PRKAR1B: variants seen among roughly 807,000 people sequenced by gnomAD.
PRKAR1B encodes the protein protein kinase cAMP-dependent type I regulatory subunit beta, also known as cAMP-dependent protein kinase type I-beta regulatory subunit.
In PRKAR1B, 22 loss-of-function variants were observed where a neutral mutation model predicts 46.5. That is an observed-to-expected ratio of 0.47 (90% CI 0.34 to 0.68). PRKAR1B has a LOEUF of 0.68. Among genes scored for constraint, PRKAR1B ranks in the 30% least tolerant of loss-of-function variants. The pLI, the probability that PRKAR1B is intolerant of heterozygous loss-of-function variation, is 0.01. For synonymous variants in PRKAR1B, 259 were observed against 217.7 expected, an observed-to-expected ratio of 1.19 and a Z score of -1.67; for missense variants, 445 against 535.6, an observed-to-expected ratio of 0.83 and a Z score of 1.67.
chr7:655,308 G>GGCTCTGCTC (rs1785136973), intron 4 of PRKAR1B, among the ~76,000 whole-genome samples: 1 of 152,192 alleles, frequency 6.6e-6, no homozygotes, highest in Non-Finnish European at 1.5e-5. Context: ...CCTCTTCCCA[G>GGCTCTGCTC]GCTCTGCTCT....
intron 2 of PRKAR1B, among the ~76,000 whole-genome samples, chr7:699,440 T>C (rs963327250): frequency 2.0e-5 from 3 of 151,712 alleles, no homozygotes; most frequent in African/African-American, 7.3e-5. Context: ...AGGGCAGAGG[T>C]CACAGCTGGA....
chr7:705,355 C>T (rs980442311), intron 2 of PRKAR1B, among the ~76,000 whole-genome samples: 1 of 150,244 alleles, frequency 6.7e-6, no homozygotes, highest in African/African-American at 2.5e-5. Flanking sequence ...TAGGTGCCAC[C>T]ATATACCTAT....
At chr7:691,200 G>T (rs556871099) in intron 2 of PRKAR1B, among the ~76,000 whole-genome samples, 6 of 151,620 alleles carry the variant, frequency 4.0e-5, no homozygotes, top group Admixed American at 1.3e-4. Flanking sequence ...TACCCAAAGG[G>T]TCCTGTGCCC....
At chr7:708,215 C>T (rs538421613) in intron 2 of PRKAR1B, among the ~76,000 whole-genome samples, 199 of 152,110 alleles carry the variant, frequency 1.3e-3, no homozygotes, top group African/African-American at 4.4e-3. Context: ...TCTCGGACTT[C>T]CAGCCTGGAC....
chr7:577,310 T>A (rs1406194370), intron 9 of PRKAR1B, among the ~76,000 whole-genome samples: 5 of 152,190 alleles, frequency 3.3e-5, no homozygotes, highest in African/African-American at 1.2e-4. Context: ...GGACCCAAAA[T>A]GATCCTCGTC....
intron 6 of PRKAR1B, among the ~76,000 whole-genome samples, chr7:603,587 G>A (rs1360272318): frequency 6.8e-6 from 1 of 148,142 alleles, no homozygotes; most frequent in Admixed American, 6.6e-5. Context: ...GGGAGGAGGC[G>A]ACATGATGAC....
chr7:671,422 A>G (rs1465052943), intron 4 of PRKAR1B, among the ~76,000 whole-genome samples: 3 of 152,158 alleles, frequency 2.0e-5, no homozygotes, highest in Non-Finnish European at 2.9e-5. Flanking sequence ...CTCCAAGCAC[A>G]TATCTGGGTG....
chr7:650,257 T>C lies in PRKAR1B; in HGVS notation c.440+26972A>G, dbSNP rs887317386. Among the ~76,000 whole-genome samples, 5 of 152,162 alleles carry C rather than the reference T, an allele frequency of 3.3e-5. 1 individual carries two copies. In the South Asian group the frequency reaches 8.3e-4, roughly 25 times the overall value. ...GTGGCCTCAATGGCAGTTCTGAGAA[T>C]GCAGACCTGGGACTGTGGACCCTGT... On this transcript the variant is annotated intron_variant, in intron 4 of 10. Coordinates refer to ENST00000537384, the MANE Select transcript of PRKAR1B (RefSeq NM_001164760.2).
intron 1 of PRKAR1B, chr7:726,855 C>A: frequency 1.5e-6 from 2 of 1,318,806 alleles, no homozygotes; most frequent in Non-Finnish European, 1.9e-6. Flanking sequence ...GCAAGCCGGG[C>A]CGGCGGCGCG....
chr7:587,494 G>T (rs1780666615), intron 7 of PRKAR1B, among the ~76,000 whole-genome samples: 1 of 152,210 alleles, frequency 6.6e-6, no homozygotes, highest in South Asian at 2.1e-4. Context: ...CGCCTCCAGG[G>T]CCTGCGCCTA....
chr7:628,856 G>A (rs1783565700), intron 4 of PRKAR1B, among the ~76,000 whole-genome samples: 1 of 150,952 alleles, frequency 6.6e-6, no homozygotes, highest in African/African-American at 2.4e-5. Flanking sequence ...CCCAAGTCAG[G>A]CTCAAGGACC....
chr7:605,802 G>A (rs113709064), intron 6 of PRKAR1B, among the ~76,000 whole-genome samples: 7,977 of 152,254 alleles, frequency 0.052, 257 homozygotes, highest in African/African-American at 0.054. Flanking sequence ...TAAGCACGTC[G>A]CTCTCCCACC....
In PRKAR1B at chr7:617,267, AC is replaced by A. The variant is rs200662187; in HGVS notation, c.441-9816del. On this transcript the variant is annotated intron_variant, in intron 4 of 10. Transcript: ENST00000537384. ...CTTGGCCTCCCAAAGTGCTGGGATTACAGGTGTGAGGCACCACGCAGGACCA... is the reference window on the plus strand; with the variant it reads ...CTTGGCCTCCCAAAGTGCTGGGATTAAGGTGTGAGGCACCACGCAGGACCA... Among the ~76,000 whole-genome samples the A allele has an allele frequency of 7.8e-3, 1,161 of 148,848 alleles. 23 individuals are homozygous for A. Among genetic ancestry groups the A allele is most frequent in the African/African-American group, 0.028 (1,114 of 40,478 alleles).
At chr7:600,736 C>A (rs535379050) in intron 6 of PRKAR1B, among the ~76,000 whole-genome samples, 1 of 152,176 alleles carries the variant, frequency 6.6e-6, no homozygotes, top group South Asian at 2.1e-4. Flanking sequence ...AAGAGGGAGT[C>A]GGGATAACGG....
At chr7:627,649 C>T (rs1783485436) in intron 4 of PRKAR1B, among the ~76,000 whole-genome samples, 1 of 152,174 alleles carries the variant, frequency 6.6e-6, no homozygotes, top group South Asian at 2.1e-4. Context: ...CCAATTGTCC[C>T]TTCCTAAGGA....
At chr7:697,565 C>T (rs1167834200) in intron 2 of PRKAR1B, among the ~76,000 whole-genome samples, 2 of 152,130 alleles carry the variant, frequency 1.3e-5, no homozygotes, top group African/African-American at 2.4e-5. Flanking sequence ...GGCCCTAAGA[C>T]AGCCCCTCTG....
At chr7:577,398 C>T (rs1163250666) in intron 9 of PRKAR1B, among the ~76,000 whole-genome samples, 1 of 152,188 alleles carries the variant, frequency 6.6e-6, no homozygotes, top group Non-Finnish European at 1.5e-5. Context: ...TTCCCGATGA[C>T]AGGTACAGAG....
chr7:577,080 G>A lies in PRKAR1B; in HGVS notation c.891+2176C>T, dbSNP rs75510260. 4.6e-5 allele frequency among the ~76,000 whole-genome samples: 7 copies of A among 151,680 alleles called. No homozygotes were observed. The East Asian group carries it at 7.7e-4, about 17-fold the overall frequency. ...AGTCACCTCACCCAATGCCATCAGC[G>A]GCCTCATCCAACTCCATCAACGGCC... On this transcript the variant is annotated intron_variant, in intron 9 of 10. Transcript: ENST00000537384.
At position 577,316 on chromosome 7, in the gene PRKAR1B, T is replaced by G. The variant is rs1583233106; in HGVS notation, c.891+1940A>C. 4.6e-5 allele frequency among the ~76,000 whole-genome samples: 7 copies of G among 152,296 alleles called. No homozygotes were observed. The South Asian group carries it at 1.5e-3, about 32-fold the overall frequency. On this transcript the variant is annotated intron_variant, in intron 9 of 10. Transcript: ENST00000537384. Reference sequence around the variant, plus strand: ...CCTCCTTCTGGACCCAAAATGATCCTCGTCACTGCCCACAGCTGCGGGTGT... The same window carrying G: ...CCTCCTTCTGGACCCAAAATGATCCGCGTCACTGCCCACAGCTGCGGGTGT...
Sources: allele counts gnomAD v4.1 joint callset (sites outside exome capture counted in the v4.1 genomes callset), GRCh38; gene constraint gnomAD v4.1.1; transcripts MANE v1.5; gene names NCBI Gene and HGNC (gene_info 2026-07-23, HGNC 2026-07-21).